Variants in ANTXR1 observed in about 807,000 individuals in gnomAD.
ANTXR1 encodes the protein anthrax toxin receptor 1.
ANTXR1 carries 19 observed loss-of-function variants against 78.1 expected under a neutral mutation model. The ratio of observed to expected loss-of-function variants is 0.24; its 90% CI spans 0.17 to 0.36. The LOEUF is 0.36. Ranked by LOEUF, ANTXR1 falls within the 10% of genes least tolerant of loss-of-function variation. ANTXR1 has a pLI of 1.00. For synonymous variants in ANTXR1, 273 were observed against 260.5 expected (o/e 1.05, Z -0.46); for missense variants, 518 against 718.6 (o/e 0.72, Z 3.19).
intron 3 of ANTXR1, among the ~76,000 whole-genome samples, chr2:69,046,182 G>A (rs986573587): frequency 4.6e-5 from 7 of 152,088 alleles, no homozygotes; most frequent in African/African-American, 1.7e-4. Flanking sequence ...CCTACAACCC[G>A]AGGCTTCCTA....
chr2:69,093,385 T>C (rs1353604438), intron 9 of ANTXR1, among the ~76,000 whole-genome samples: 2 of 152,170 alleles, frequency 1.3e-5, no homozygotes, highest in African/African-American at 2.4e-5. Flanking sequence ...TCTCCACCAC[T>C]TAGACAATGG....
At chr2:69,124,478 G>GC in intron 11 of ANTXR1, 87 bp from the exon 12 acceptor site, 1 of 1,158,246 alleles carries the variant, frequency 8.6e-7, no homozygotes, top group South Asian at 1.2e-5. Context: ...TAAGAGCAGA[G>GC]CCCAAAGGAG....
rs575230566 is a variant in ANTXR1, at chr2:69,137,119, G to A, written c.951+12476G>A. Among the ~76,000 whole-genome samples the A allele has an allele frequency of 8.5e-5, 13 of 152,150 alleles. No homozygotes were observed. In the East Asian group the frequency reaches 1.4e-3, roughly 16 times the overall value. ...TTTTTATCACCAACTAAAATTTGGC[G>A]GATTACTATGAAACTCTCAATTTGC... On this transcript the variant is annotated intron_variant, in intron 12 of 17. Transcript: ENST00000303714.
At chr2:69,148,795 A>G (rs149290547) in intron 12 of ANTXR1, among the ~76,000 whole-genome samples, 126 of 152,330 alleles carry the variant, frequency 8.3e-4, no homozygotes, top group African/African-American at 3.0e-3. Flanking sequence ...GGTACAGGAT[A>G]TACAGCTGTT....
intron 9 of ANTXR1, among the ~76,000 whole-genome samples, chr2:69,093,931 C>T (rs1228674419): frequency 6.6e-6 from 1 of 152,198 alleles, no homozygotes; most frequent in African/African-American, 2.4e-5. Context: ...TTGTAAAAGG[C>T]AAGCTCCCAC....
intron 17 of ANTXR1, among the ~76,000 whole-genome samples, chr2:69,238,448 T>C (rs1033356390): frequency 5.9e-5 from 9 of 152,152 alleles, no homozygotes; most frequent in Non-Finnish European, 1.3e-4. Context: ...ATGAAGAGAA[T>C]CATAGTGTAG....
rs376918474 is a variant in ANTXR1 at position 69,040,146 on chromosome 2, T to C, written c.224+31T>C. ...AAACACTATGCATTTTGTTCACTTG[T>C]AGTTCTCTGTCATGAGTCAAACTAG... On this transcript the variant is annotated intron_variant, in intron 2 of 17. Coordinates refer to ENST00000303714, the MANE Select transcript of ANTXR1 (RefSeq NM_032208.3). 2,083 of 1,590,314 alleles carry C rather than the reference T, an allele frequency of 1.3e-3. 14 individuals carry two copies. The South Asian group carries it at 0.014, about 10-fold the overall frequency.
At chr2:69,177,966 A>T (rs1674177062) in intron 14 of ANTXR1, among the ~76,000 whole-genome samples, 2 of 152,142 alleles carry the variant, frequency 1.3e-5, no homozygotes. Flanking sequence ...CAATAACCAT[A>T]GAGGACAGCA....
chr2:69,194,198 G>C (rs774643401), intron 17 of ANTXR1, among the ~76,000 whole-genome samples: 8 of 152,168 alleles, frequency 5.3e-5, no homozygotes, highest in African/African-American at 1.7e-4. Context: ...CAGTTCTGCC[G>C]AAACAACACT....
At chr2:69,178,372 C>G (rs1478716267) in intron 14 of ANTXR1, among the ~76,000 whole-genome samples, 1 of 152,240 alleles carries the variant, frequency 6.6e-6, no homozygotes. Context: ...CTTGGCAGGC[C>G]AGCTCCGGTC....
chr2:69,182,005 A>C (rs1456419387), intron 15 of ANTXR1, 124 bp downstream of exon 15: 3 of 912,272 alleles, frequency 3.3e-6, no homozygotes, highest in Admixed American at 4.0e-5. Context: ...GCCGTAGACC[A>C]CACTGATGAC....
chr2:69,209,715 A>G (rs1161559124), intron 17 of ANTXR1, among the ~76,000 whole-genome samples: 1 of 152,258 alleles, frequency 6.6e-6, no homozygotes, highest in African/African-American at 2.4e-5. Flanking sequence ...CAAGGCCTGC[A>G]AGGCTGGAAA....
chr2:69,032,387 C>G (rs994972231), intron 1 of ANTXR1, among the ~76,000 whole-genome samples: 6 of 152,094 alleles, frequency 3.9e-5, no homozygotes, highest in Admixed American at 2.0e-4. Flanking sequence ...CCCACCCCCC[C>G]AAAATTTCCA....
chr2:69,018,463 A>C (rs1328160193), intron 1 of ANTXR1, among the ~76,000 whole-genome samples: 1 of 152,186 alleles, frequency 6.6e-6, no homozygotes, highest in Admixed American at 6.5e-5. Flanking sequence ...AAATTTCCCC[A>C]TCAGGTATAG....
Position 69,245,629 on chromosome 2 carries a change from A to G in ANTXR1, c.*144A>G. 9.1e-7 allele frequency: 1 copy of G among 1,102,684 alleles called. No homozygotes were observed. The highest frequency in any genetic ancestry group is 1.3e-6 in the Non-Finnish European group (1 of 768,936). 68.3% of individuals were successfully genotyped at this position (1,102,684 alleles called of 1,614,324 possible). A position where few individuals can be genotyped will look rare whatever the true frequency, so the allele number is the denominator to read the frequency against. ...TGGTTGGCAATGCCAGTATACCAAC[A>G]ATCATGATCAGCTGAAAGAAACAGA... is the stretch of plus-strand genomic sequence containing the variant. On this transcript the variant is annotated 3_prime_UTR_variant, in exon 18 of 18. Transcript: ENST00000303714.
At chr2:69,098,325 T>C (rs1671498903) in intron 9 of ANTXR1, among the ~76,000 whole-genome samples, 1 of 152,212 alleles carries the variant, frequency 6.6e-6, no homozygotes, top group South Asian at 2.1e-4. Flanking sequence ...AAGCACCCAT[T>C]ATATGTCAGT....
chr2:69,045,189 A>G (rs934220183), intron 3 of ANTXR1, among the ~76,000 whole-genome samples: 1 of 152,208 alleles, frequency 6.6e-6, no homozygotes, highest in African/African-American at 2.4e-5. Context: ...ATACAAGTGC[A>G]CTGTGAGACA....
intron 8 of ANTXR1, among the ~76,000 whole-genome samples, chr2:69,078,466 G>A (rs1222298440): frequency 1.3e-5 from 2 of 152,172 alleles, no homozygotes; most frequent in East Asian, 3.9e-4. Flanking sequence ...GCATCTGCCA[G>A]CCCTCCCAGA....
At chr2:69,121,185 A>C (rs542146220) in intron 10 of ANTXR1, among the ~76,000 whole-genome samples, 1 of 152,310 alleles carries the variant, frequency 6.6e-6, no homozygotes, top group Non-Finnish European at 1.5e-5. Flanking sequence ...AATTACTAGC[A>C]TGTTGGCTCC....
Sources: gnomAD v4.1 joint callset for allele counts (sites outside exome capture counted in the v4.1 genomes callset) on GRCh38, gnomAD v4.1.1 for gene constraint, MANE v1.5 for transcripts, NCBI Gene and HGNC (gene_info 2026-07-23, HGNC 2026-07-21) for gene names.